DENND5B: variants seen among roughly 807,000 people sequenced by gnomAD.
The protein encoded by DENND5B is DENN domain-containing protein 5B.
In DENND5B, 34 loss-of-function variants were observed where a neutral mutation model predicts 140.6. The observed-to-expected ratio is 0.24, with a 90% CI of 0.18 to 0.32. The LOEUF is 0.32. DENND5B is among the 10% of genes least tolerant of loss of function. DENND5B has a pLI of 1.00. For synonymous variants in DENND5B, 551 were observed against 562.1 expected, an observed-to-expected ratio of 0.98 and a Z score of 0.28; for missense variants, 1,142 against 1,560.2, an observed-to-expected ratio of 0.73 and a Z score of 4.52.
chr12:31,489,129 C>T (rs1219567209), intron 2 of DENND5B, among the ~76,000 whole-genome samples: 1 of 152,108 alleles, frequency 6.6e-6, no homozygotes, highest in Non-Finnish European at 1.5e-5. Context: ...CAATGGACTG[C>T]CTATAGGACA....
At chr12:31,546,007 C>CA (rs1439303707) in intron 1 of DENND5B, among the ~76,000 whole-genome samples, 2 of 119,180 alleles carry the variant, frequency 1.7e-5, no homozygotes, top group African/African-American at 6.8e-5. Context: ...AAAATCTACA[C>CA]AAAAGCTTTA....
intron 8 of DENND5B, chr12:31,432,103 C>T (rs1943535391): frequency 2.0e-6 from 2 of 985,006 alleles, no homozygotes; most frequent in African/African-American, 3.5e-5. Flanking sequence ...GACCCTGGTC[C>T]CACTCCCAGA....
intron 11 of DENND5B, among the ~76,000 whole-genome samples, chr12:31,417,185 T>C (rs1942793164): frequency 6.7e-6 from 1 of 150,366 alleles, no homozygotes; most frequent in African/African-American, 2.4e-5. Flanking sequence ...TGAAACCCCA[T>C]CTCTACTAAA....
chr12:31,438,438 A>G (rs1163641107), intron 7 of DENND5B, among the ~76,000 whole-genome samples: 1 of 152,222 alleles, frequency 6.6e-6, no homozygotes, highest in Non-Finnish European at 1.5e-5. Context: ...TTTCTTAAGA[A>G]GAGGAGTAGG....
chr12:31,450,318 A>G (rs544213088), intron 5 of DENND5B, among the ~76,000 whole-genome samples: 1 of 152,232 alleles, frequency 6.6e-6, no homozygotes, highest in South Asian at 2.1e-4. Flanking sequence ...TCAACATACA[A>G]TATCATCCTC....
In DENND5B at chr12:31,590,815, C is replaced by A. The variant is rs749794635; in HGVS notation, c.18G>T (p.Ala6=). MSGSC[A]APGPGSGSSP... is the part of the protein sequence containing the mutation. The stretch of plus-strand genomic sequence containing the variant: ...AGGAGCCCGAGCCCGGGCCGGGCGC[C>A]GCGCAGCTCCCGCTCATCCCGGCCG... The change falls in exon 1 of 21, where the codon GCG becomes GCT. Residue 6 remains alanine, a synonymous_variant. Coordinates refer to ENST00000389082, the MANE Select transcript of DENND5B (RefSeq NM_144973.4). 1.5e-4 allele frequency: 198 copies of A among 1,286,288 alleles called. No homozygotes were observed. The highest frequency in any genetic ancestry group is 1.9e-4 in the Non-Finnish European group (193 of 1,020,226). 79.7% of individuals were successfully genotyped at this position (1,286,288 alleles called of 1,614,324 possible).
intron 3 of DENND5B, among the ~76,000 whole-genome samples, chr12:31,468,467 C>CA (rs1302597290): frequency 6.6e-6 from 1 of 151,782 alleles, no homozygotes; most frequent in Non-Finnish European, 1.5e-5. Flanking sequence ...AAACAGAAAA[C>CA]AAAGGTACAA....
In DENND5B at chr12:31,414,993, T is replaced by C. The variant is rs138756818; in HGVS notation, c.2552+374A>G. Among the ~76,000 whole-genome samples the C allele has an allele frequency of 1.5e-3, 223 of 151,378 alleles. 1 individual carries two copies. Among genetic ancestry groups the C allele is most frequent in the African/African-American group, 4.9e-3 (204 of 41,226 alleles). On this transcript the variant is annotated intron_variant, in intron 12 of 20. Transcript: ENST00000389082. ...AGCTGGGTATGGTGGCAGGTGCCTG[T>C]AATTCTAGCGACTTGGGAGGCTGAG... is the stretch of plus-strand genomic sequence containing the variant.
At chr12:31,468,078 A>AC (rs1945360240) in intron 3 of DENND5B, among the ~76,000 whole-genome samples, 2 of 151,886 alleles carry the variant, frequency 1.3e-5, no homozygotes, top group South Asian at 4.2e-4. Flanking sequence ...ACATACAGAG[A>AC]CCCCACCTCT....
intron 2 of DENND5B, among the ~76,000 whole-genome samples, chr12:31,485,408 T>C (rs1946261876): frequency 6.6e-6 from 1 of 152,238 alleles, no homozygotes; most frequent in Admixed American, 6.5e-5. Context: ...ACGGATATTT[T>C]ACGTTACAGG....
intron 8 of DENND5B, among the ~76,000 whole-genome samples, chr12:31,430,301 G>A (rs2137803610): frequency 6.6e-6 from 1 of 151,090 alleles, no homozygotes; most frequent in East Asian, 2.0e-4. Flanking sequence ...GGGATTAAAG[G>A]TGTAAGCCAC....
rs139755908 is a variant in DENND5B, at chr12:31,434,748, C to T, written c.2013-1500G>A. Among the ~76,000 whole-genome samples, 1,516 of 152,252 alleles carry T rather than the reference C, an allele frequency of 1.0e-2. 65 individuals carry two copies. Among genetic ancestry groups the T allele is most frequent in the Admixed American group, 0.077 (1,181 of 15,264 alleles). ...GGAAGTACAAAGACTATATAGATAA[C>T]TTTGTCTTAAAATTCTGGGGTCGTC... On this transcript the variant is annotated intron_variant, in intron 7 of 20. Transcript: ENST00000389082.
At chr12:31,533,284 A>G (rs1415541270) in intron 1 of DENND5B, among the ~76,000 whole-genome samples, 1 of 152,358 alleles carries the variant, frequency 6.6e-6, no homozygotes, top group East Asian at 1.9e-4. Flanking sequence ...CAATACAACA[A>G]CAAAAAATAC....
intron 1 of DENND5B, among the ~76,000 whole-genome samples, chr12:31,540,012 T>C (rs1030811722): frequency 3.9e-5 from 6 of 151,970 alleles, no homozygotes; most frequent in African/African-American, 7.2e-5. Context: ...TTAGAACTCA[T>C]ACAAAATCAG....
intron 11 of DENND5B, among the ~76,000 whole-genome samples, chr12:31,418,642 A>G (rs1394586408): frequency 6.6e-6 from 1 of 152,112 alleles, no homozygotes; most frequent in Non-Finnish European, 1.5e-5. Context: ...GAAGGCCTCT[A>G]CACTCCAGAT....
chr12:31,467,253 TC>T (rs1836059006), intron 3 of DENND5B, among the ~76,000 whole-genome samples: 1 of 151,944 alleles, frequency 6.6e-6, no homozygotes. Context: ...GAAAGGAACT[TC>T]TAAGAACACA....
chr12:31,506,894 C>T (rs1193329212), intron 1 of DENND5B, among the ~76,000 whole-genome samples: 3 of 152,158 alleles, frequency 2.0e-5, no homozygotes, highest in East Asian at 1.9e-4. Context: ...CAGGAAGTTC[C>T]ACTAAATCTC....
At chr12:31,473,720 CTGAAACT>C (rs1945662731) in intron 3 of DENND5B, among the ~76,000 whole-genome samples, 2 of 152,156 alleles carry the variant, frequency 1.3e-5, no homozygotes, top group Non-Finnish European at 2.9e-5. Flanking sequence ...TAAAACAATG[CTGAAACT>C]TGAAATATCC....
intron 4 of DENND5B, among the ~76,000 whole-genome samples, chr12:31,454,570 G>A (rs1003763011): frequency 1.3e-5 from 2 of 151,252 alleles, no homozygotes; most frequent in Admixed American, 6.6e-5. Context: ...AGCCTCCCGC[G>A]TAGCTGGGAT....
Sources: allele counts gnomAD v4.1 joint callset (sites outside exome capture counted in the v4.1 genomes callset), GRCh38; gene constraint gnomAD v4.1.1; transcripts MANE v1.5; gene names NCBI Gene and HGNC (gene_info 2026-07-23, HGNC 2026-07-21).